NELL1: variants seen among roughly 807,000 people sequenced by gnomAD.
The protein encoded by NELL1 is neural EGFL like 1, also known as protein kinase C-binding protein NELL1.
A neutral mutation model predicts 107.4 loss-of-function variants in NELL1; 76 were observed. The observed-to-expected ratio is 0.71, with a 90% CI of 0.59 to 0.86. The LOEUF is 0.86. Ranked by LOEUF, NELL1 falls within the 40% of genes least tolerant of loss-of-function variation. The pLI, the probability that NELL1 is intolerant of heterozygous loss-of-function variation, is 0.00. For missense variants in NELL1, 1,024 were observed against 1,005.5 expected (o/e 1.02, Z -0.25); for synonymous variants, 353 against 341.2 (o/e 1.03, Z -0.38).
At chr11:20,671,772 T>TGG (rs148740004) in intron 1 of NELL1, among the ~76,000 whole-genome samples, 7,938 of 140,818 alleles carry the variant, frequency 0.056, 268 homozygotes, top group South Asian at 0.11. Flanking sequence ...TACAGATTGA[T>TGG]GGGGGGGGTG....
At chr11:21,268,892 C>T (rs1282301359) in intron 14 of NELL1, among the ~76,000 whole-genome samples, 1 of 151,894 alleles carries the variant, frequency 6.6e-6, no homozygotes, top group African/African-American at 2.4e-5. Context: ...GAAAAGGATT[C>T]TAATGGATAA....
At chr11:20,674,575 A>G in intron 1 of NELL1, 1 of 1,499,804 alleles carries the variant, frequency 6.7e-7, no homozygotes, top group Non-Finnish European at 9.0e-7. Context: ...TCAGGGAGGC[A>G]GGTATTAACG....
chr11:20,701,076 A>G (rs1331525812), intron 2 of NELL1, among the ~76,000 whole-genome samples: 2 of 152,192 alleles, frequency 1.3e-5, no homozygotes, highest in East Asian at 3.9e-4. Context: ...TCCTTGAGGA[A>G]TCGCCACACT....
intron 2 of NELL1, among the ~76,000 whole-genome samples, chr11:20,703,581 T>C (rs1854856191): frequency 6.6e-6 from 1 of 152,220 alleles, no homozygotes; most frequent in Admixed American, 6.5e-5. Context: ...CTCTAGTTCT[T>C]TTAACTGTGA....
intron 3 of NELL1, among the ~76,000 whole-genome samples, chr11:20,814,151 A>ACCT (rs1438903008): frequency 1.3e-5 from 2 of 151,694 alleles, no homozygotes; most frequent in Non-Finnish European, 2.9e-5. Context: ...GCACACCGCC[A>ACCT]CGCCCGGCTA....
intron 14 of NELL1, among the ~76,000 whole-genome samples, chr11:21,264,071 G>GGTGTGTGTGTGTGTGTGTGTGTGTGTGT (rs10525326): frequency 5.7e-5 from 8 of 139,432 alleles, no homozygotes; most frequent in African/African-American, 1.6e-4. Context: ...TCTACAATGG[G>GGTGTGTGTGTGTGTGTGTGTGTGTGTGT]GTGTGTGTGT....
chr11:21,033,033 A>G (rs971559141), intron 12 of NELL1, among the ~76,000 whole-genome samples: 1 of 152,202 alleles, frequency 6.6e-6, no homozygotes, highest in Non-Finnish European at 1.5e-5. Flanking sequence ...TTCTAAGATT[A>G]CAGGCATAAT....
intron 4 of NELL1, among the ~76,000 whole-genome samples, chr11:20,848,011 T>C (rs1184653782): frequency 6.6e-6 from 1 of 152,088 alleles, no homozygotes; most frequent in Non-Finnish European, 1.5e-5. Flanking sequence ...GATTGGGAAA[T>C]AGTAAGTGCA....
At chr11:21,345,335 G>A (rs966627358) in intron 14 of NELL1, among the ~76,000 whole-genome samples, 3 of 152,190 alleles carry the variant, frequency 2.0e-5, no homozygotes, top group African/African-American at 7.2e-5. Context: ...CACACAAAAT[G>A]AGTGTTTAAG....
At chr11:21,566,180 T>C (rs1856968489) in intron 17 of NELL1, among the ~76,000 whole-genome samples, 1 of 151,918 alleles carries the variant, frequency 6.6e-6, no homozygotes, top group Non-Finnish European at 1.5e-5. Context: ...TCAGGTTGAA[T>C]TTGTACCGTG....
At chr11:21,113,823 G>T in intron 13 of NELL1, 109 bp downstream of exon 13, 3 of 1,158,708 alleles carry the variant, frequency 2.6e-6, no homozygotes, top group East Asian at 5.3e-5. Context: ...TATCTAAATA[G>T]TTCTTCTCTT....
chr11:20,809,272 G>A (rs1283991330), intron 3 of NELL1, among the ~76,000 whole-genome samples: 1 of 152,002 alleles, frequency 6.6e-6, no homozygotes, highest in African/African-American at 2.4e-5. Context: ...ACATATTTAC[G>A]GGGTACAATG....
At chr11:21,345,251 C>G (rs1279448764) in intron 14 of NELL1, among the ~76,000 whole-genome samples, 1 of 152,172 alleles carries the variant, frequency 6.6e-6, no homozygotes, top group East Asian at 1.9e-4. Flanking sequence ...GAACACTGAA[C>G]ACCATTAAGT....
At chr11:21,355,536 G>A (rs1850912991) in intron 14 of NELL1, among the ~76,000 whole-genome samples, 1 of 152,192 alleles carries the variant, frequency 6.6e-6, no homozygotes, top group Admixed American at 6.5e-5. Context: ...CAAATAAGAA[G>A]TGAAACCAGG....
intron 12 of NELL1, among the ~76,000 whole-genome samples, chr11:21,093,199 T>C (rs1242448598): frequency 6.6e-6 from 1 of 152,176 alleles, no homozygotes; most frequent in African/African-American, 2.4e-5. Flanking sequence ...TCAGCTTTCA[T>C]GAGCCTGTGT....
Position 20,797,505 on chromosome 11 carries a change from G to A in NELL1, c.335+13675G>A, listed in dbSNP as rs894506488. ...GGCGTGAACCTGGGAGGTGGAGCTT[G>A]CAGTGAGCCGAGATCGCGGCACTGC... On this transcript the variant is annotated intron_variant, in intron 3 of 19. Transcript: ENST00000357134. 2.8e-4 allele frequency among the ~76,000 whole-genome samples: 40 copies of A among 142,380 alleles called. 1 individual carries two copies. Among genetic ancestry groups the A allele is most frequent in the Admixed American group, 2.7e-3 (35 of 13,096 alleles). The allele number at this position is 142,380 out of a possible 152,430, so 93.4% of individuals were successfully genotyped here.
intron 16 of NELL1, among the ~76,000 whole-genome samples, chr11:21,541,207 G>C (rs998441726): frequency 1.3e-5 from 2 of 152,106 alleles, no homozygotes; most frequent in Non-Finnish European, 2.9e-5. Context: ...ATGACATACA[G>C]CTATTCTTAC....
At chr11:20,959,705 T>C (rs1212361181) in intron 11 of NELL1, among the ~76,000 whole-genome samples, 1 of 152,088 alleles carries the variant, frequency 6.6e-6, no homozygotes, top group African/African-American at 2.4e-5. Flanking sequence ...AGACTACAAA[T>C]TGGATGCAGA....
At chr11:20,876,887 TA>T (rs1213743647) in intron 4 of NELL1, among the ~76,000 whole-genome samples, 2 of 152,204 alleles carry the variant, frequency 1.3e-5, no homozygotes, top group African/African-American at 4.8e-5. Flanking sequence ...TATAACAACC[TA>T]TGGACTGAAT....
Sources: allele counts gnomAD v4.1 joint callset (sites outside exome capture counted in the v4.1 genomes callset), GRCh38; gene constraint gnomAD v4.1.1; transcripts MANE v1.5; gene names NCBI Gene and HGNC (gene_info 2026-07-23, HGNC 2026-07-21).